Variants in CADPS2 observed in about 807,000 individuals in gnomAD.
CADPS2 encodes the protein calcium dependent secretion activator 2, also known as calcium-dependent secretion activator 2.
Under a neutral mutation model 172.5 loss-of-function variants are expected in CADPS2, and 93 were observed. The observed-to-expected ratio is 0.54, with a 90% CI of 0.46 to 0.64. The LOEUF is 0.64. CADPS2 is among the 30% of genes least tolerant of loss of function. CADPS2 has a pLI of 0.00. For synonymous variants in CADPS2, 546 were observed against 555.2 expected, an observed-to-expected ratio of 0.98 and a Z score of 0.23; for missense variants, 1,420 against 1,565.9, an observed-to-expected ratio of 0.91 and a Z score of 1.57.
rs2043777878 is a variant in CADPS2 at position 122,387,039 on chromosome 7, T to C, written c.3299A>G (p.Asp1100Gly). Residue 1100 changes from aspartate (D) to glycine (G), a missense_variant, in exon 24 of 30, where the codon GAT becomes GGT. Coordinates refer to ENST00000449022, the MANE Select transcript of CADPS2 (RefSeq NM_017954.11). The stretch of plus-strand genomic sequence containing the variant: ...CATTCTACATACCTCTTGTCCTCCA[T>C]CCAGGGCACAGAGTTTGGTGCTTTG... ...KKQSTKLCAL[D>G]GGQEQQYHSK... The C allele has an allele frequency of 1.3e-6, 2 of 1,557,626 alleles. No individual in the cohort carries two copies. The highest frequency in any genetic ancestry group is 1.7e-6 in the Non-Finnish European group (2 of 1,149,194).
At chr7:122,427,036 CA>C (rs2049250821) in intron 17 of CADPS2, 1 of 152,070 alleles carries the variant, frequency 6.6e-6, no homozygotes, top group Non-Finnish European at 1.5e-5. Flanking sequence ...AAGATTCTAG[CA>C]AGAGCTGTTC....
rs1321768550 is a variant in CADPS2 at position 122,407,018 on chromosome 7, G to A, written c.2746+522C>T. On this transcript the variant is annotated intron_variant, in intron 20 of 29. Coordinates refer to ENST00000449022, the MANE Select transcript of CADPS2 (RefSeq NM_017954.11). The stretch of plus-strand genomic sequence containing the variant: ...AATTGAGAATAAAAGTATCAATAGA[G>A]AGCTTTTACATTCTCCTTAATTTCT... Among the ~76,000 whole-genome samples, 5 of 152,268 alleles carry A rather than the reference G, an allele frequency of 3.3e-5. No individual in the cohort carries two copies. In the East Asian group the frequency reaches 9.7e-4, roughly 29 times the overall value.
intron 2 of CADPS2, among the ~76,000 whole-genome samples, chr7:122,720,123 A>G (rs1326212399): frequency 6.6e-6 from 1 of 152,100 alleles, no homozygotes; most frequent in Non-Finnish European, 1.5e-5. Flanking sequence ...ACTGAGTAGA[A>G]GTAAAACCAA....
chr7:122,566,679 A>T (rs2066517525), intron 7 of CADPS2, among the ~76,000 whole-genome samples: 1 of 152,178 alleles, frequency 6.6e-6, no homozygotes, highest in Non-Finnish European at 1.5e-5. Flanking sequence ...AAGACTAAAC[A>T]TACTAGAACT....
intron 17 of CADPS2, chr7:122,421,250 T>C (rs1476577665): frequency 6.6e-6 from 1 of 152,238 alleles, no homozygotes; most frequent in Non-Finnish European, 1.5e-5. Context: ...TATGTATATA[T>C]TATGTAACAA....
At chr7:122,578,931 G>A (rs929224021) in intron 7 of CADPS2, among the ~76,000 whole-genome samples, 4 of 152,056 alleles carry the variant, frequency 2.6e-5, no homozygotes, top group Admixed American at 6.6e-5. Flanking sequence ...GGTGAGAAAA[G>A]GGGAAACAAG....
intron 25 of CADPS2, among the ~76,000 whole-genome samples, chr7:122,372,858 C>T (rs2041933147): frequency 1.3e-5 from 2 of 152,156 alleles, no homozygotes; most frequent in African/African-American, 4.8e-5. Flanking sequence ...GATTAAGGAT[C>T]TGAAGCTCAG....
intron 2 of CADPS2, chr7:122,698,655 G>A (rs757340494): frequency 6.2e-7 from 1 of 1,614,004 alleles, no homozygotes; most frequent in African/African-American, 1.3e-5. Context: ...AAATGGTATT[G>A]GGATTACATG....
intron 8 of CADPS2, 59 bp downstream of exon 8, chr7:122,554,491 A>G (rs2132003944): frequency 6.6e-7 from 1 of 1,503,898 alleles, no homozygotes; most frequent in East Asian, 2.3e-5. Flanking sequence ...ACTGACAAAA[A>G]TAATACACTG....
intron 1 of CADPS2, among the ~76,000 whole-genome samples, chr7:122,749,245 T>A (rs2092845059): frequency 6.6e-6 from 1 of 152,116 alleles, no homozygotes; most frequent in Non-Finnish European, 1.5e-5. Flanking sequence ...AAATGGAATA[T>A]CACGACTGAC....
intron 24 of CADPS2, among the ~76,000 whole-genome samples, chr7:122,381,222 C>T (rs545032931): frequency 2.4e-4 from 36 of 152,226 alleles, no homozygotes; most frequent in African/African-American, 7.9e-4. Flanking sequence ...CCTGGCTCTC[C>T]CACTCTGCCA....
At chr7:122,421,837 A>C (rs977440578) in intron 17 of CADPS2, among the ~76,000 whole-genome samples, 29 of 152,198 alleles carry the variant, frequency 1.9e-4, no homozygotes, top group Non-Finnish European at 3.4e-4. Context: ...GAAGGCTTTA[A>C]ATTGCTGTGT....
In CADPS2 at chr7:122,734,112, T is replaced by C. The variant is rs113387820; in HGVS notation, c.453+2843A>G. Among the ~76,000 whole-genome samples, 461 of 151,808 alleles carry C rather than the reference T, an allele frequency of 3.0e-3. 2 individuals carry two copies. The highest frequency in any genetic ancestry group is 0.01 in the African/African-American group (423 of 41,472). On this transcript the variant is annotated intron_variant, in intron 2 of 29. Coordinates refer to ENST00000449022, the MANE Select transcript of CADPS2 (RefSeq NM_017954.11). ...GTCTGCTTTTAGTCAGCTATGGTGG[T>C]ATGAGGTCCTTAGCTCTGCTTTTAA...
At chr7:122,598,341 G>A (rs907402820) in intron 6 of CADPS2, among the ~76,000 whole-genome samples, 3 of 151,862 alleles carry the variant, frequency 2.0e-5, no homozygotes, top group Non-Finnish European at 4.4e-5. Context: ...CTTTAGAAAC[G>A]TTCAAATTCT....
At chr7:122,623,995 G>A (rs546437717) in intron 4 of CADPS2, among the ~76,000 whole-genome samples, 1 of 152,216 alleles carries the variant, frequency 6.6e-6, no homozygotes, top group African/African-American at 2.4e-5. Context: ...GAGAAAAGCA[G>A]GCATCTCCAA....
intron 3 of CADPS2, among the ~76,000 whole-genome samples, chr7:122,657,531 T>C (rs7789220): frequency 0.53 from 80,789 of 151,912 alleles, 21,741 homozygotes; most frequent in East Asian, 0.72. Flanking sequence ...TCACATCCCT[T>C]GTAAGTTGGA....
At chr7:122,781,084 T>G (rs2139389220) in intron 1 of CADPS2, among the ~76,000 whole-genome samples, 1 of 152,334 alleles carries the variant, frequency 6.6e-6, no homozygotes, top group South Asian at 2.1e-4. Flanking sequence ...TAATACTTTC[T>G]TACCACACTC....
At chr7:122,392,018 G>A (rs767207540) in intron 22 of CADPS2, among the ~76,000 whole-genome samples, 1 of 152,026 alleles carries the variant, frequency 6.6e-6, no homozygotes, top group Non-Finnish European at 1.5e-5. Flanking sequence ...AATGATATGA[G>A]GTTGTTATAA....
At chr7:122,788,957 T>C (rs1208037004) in intron 1 of CADPS2, among the ~76,000 whole-genome samples, 1 of 152,102 alleles carries the variant, frequency 6.6e-6, no homozygotes, top group African/African-American at 2.4e-5. Flanking sequence ...ATTTCAACAC[T>C]TAGAACACCT....
Sources: gnomAD v4.1 joint callset for allele counts (sites outside exome capture counted in the v4.1 genomes callset) on GRCh38, gnomAD v4.1.1 for gene constraint, MANE v1.5 for transcripts, NCBI Gene and HGNC (gene_info 2026-07-23, HGNC 2026-07-21) for gene names.